Variants in REPS1 observed in about 807,000 individuals in gnomAD.
REPS1 encodes ralBP1-associated Eps domain-containing protein 1.
Under a neutral mutation model 100.9 loss-of-function variants are expected in REPS1, and 39 were observed. The ratio of observed to expected loss-of-function variants is 0.39; its 90% CI spans 0.30 to 0.50. REPS1 has a LOEUF of 0.50. Ranked by LOEUF, REPS1 falls within the 20% of genes least tolerant of loss-of-function variation. The pLI is 0.86. For missense variants in REPS1, 821 were observed against 968.5 expected, an observed-to-expected ratio of 0.85 and a Z score of 2.02; for synonymous variants, 324 against 340.3, an observed-to-expected ratio of 0.95 and a Z score of 0.53.
intron 1 of REPS1, among the ~76,000 whole-genome samples, chr6:138,949,530 C>T (rs1782859303): frequency 6.6e-6 from 1 of 151,988 alleles, no homozygotes; most frequent in Non-Finnish European, 1.5e-5. Context: ...AGTTCAAGAC[C>T]AGTCTGGCCA....
chr6:138,970,144 T>C (rs1050709330), intron 1 of REPS1, among the ~76,000 whole-genome samples: 9 of 152,068 alleles, frequency 5.9e-5, no homozygotes, highest in Non-Finnish European at 1.0e-4. Context: ...AGGAGGCCAC[T>C]ATAGTAGTTC....
At position 138,978,021 on chromosome 6, in the gene REPS1, T is replaced by C. The variant is rs144003721; in HGVS notation, c.153+9509A>G. Among the ~76,000 whole-genome samples the C allele has an allele frequency of 2.1e-3, 318 of 152,348 alleles. 1 individual carries two copies. The highest frequency in any genetic ancestry group is 7.0e-3 in the African/African-American group (293 of 41,588). On this transcript the variant is annotated intron_variant, in intron 1 of 19. Coordinates refer to ENST00000450536, the MANE Select transcript of REPS1 (RefSeq NM_001286611.2). ...GGGTTAACATCTTTTCATATGCTTA[T>C]TGGCCATTCTTATTGTTGTCTTTGG...
intron 2 of REPS1, 80 bp downstream of exon 2, chr6:138,947,710 G>A (rs1327265975): frequency 5.7e-6 from 7 of 1,238,318 alleles, no homozygotes; most frequent in South Asian, 2.0e-5. Flanking sequence ...AGATCAGAAA[G>A]ACACAAGAGT....
chr6:138,912,803 G>T lies in REPS1; in HGVS notation c.1933C>A (p.Gln645Lys). The T allele has an allele frequency of 1.2e-6, 2 of 1,614,166 alleles. No homozygotes were observed. The change falls in exon 16 of 20, where the codon CAA becomes AAA. Residue 645 changes from glutamine to lysine, a missense_variant. Coordinates refer to ENST00000450536, the MANE Select transcript of REPS1 (RefSeq NM_001286611.2). ...VFAASNVNDEQDDEAEKHPEV... is the reference protein window; with the variant it reads ...VFAASNVNDEKDDEAEKHPEV... ...GGATGTTTCTCGGCTTCATCATCTTGTTCGTCGTTTACATTTGATGCAGCA... is the reference window on the plus strand; with the variant it reads ...GGATGTTTCTCGGCTTCATCATCTTTTTCGTCGTTTACATTTGATGCAGCA...
At chr6:138,920,553 C>G (rs1184620173) in intron 11 of REPS1, among the ~76,000 whole-genome samples, 1 of 152,144 alleles carries the variant, frequency 6.6e-6, no homozygotes, top group Non-Finnish European at 1.5e-5. Flanking sequence ...CATGTTCACA[C>G]TTAATTTTAT....
intron 1 of REPS1, among the ~76,000 whole-genome samples, chr6:138,983,506 G>C (rs1459631394): frequency 6.6e-6 from 1 of 151,982 alleles, no homozygotes; most frequent in East Asian, 1.9e-4. Flanking sequence ...CACTTCACAA[G>C]GTTGTTGCAA....
intron 10 of REPS1, among the ~76,000 whole-genome samples, chr6:138,921,866 C>T (rs967604462): frequency 1.3e-5 from 2 of 151,888 alleles, no homozygotes; most frequent in Non-Finnish European, 2.9e-5. Flanking sequence ...TGAGCCACTG[C>T]GCCCGGCCAG....
chr6:138,936,693 T>C (rs755230701), intron 8 of REPS1, among the ~76,000 whole-genome samples: 6 of 148,486 alleles, frequency 4.0e-5, no homozygotes, highest in Non-Finnish European at 5.9e-5. Flanking sequence ...CGTATTTTCA[T>C]TATTTTTTCC....
chr6:138,950,185 C>T (rs1337667955), intron 1 of REPS1, among the ~76,000 whole-genome samples: 1 of 152,082 alleles, frequency 6.6e-6, no homozygotes, highest in Admixed American at 6.6e-5. Context: ...CAATAGTTAA[C>T]TATTGAGGCC....
intron 11 of REPS1, 106 bp from the exon 12 acceptor site, chr6:138,920,422 G>C: frequency 2.0e-6 from 1 of 497,156 alleles, no homozygotes; most frequent in Non-Finnish European, 3.6e-6. Context: ...AGAAGTGGCA[G>C]GTAAATCCAT....
intron 8 of REPS1, among the ~76,000 whole-genome samples, chr6:138,931,704 C>G (rs1029931134): frequency 6.6e-6 from 1 of 151,826 alleles, no homozygotes; most frequent in Non-Finnish European, 1.5e-5. Context: ...TAGAGAAGAA[C>G]TTATGAAAAA....
At chr6:138,970,275 T>G (rs1784267344) in intron 1 of REPS1, among the ~76,000 whole-genome samples, 1 of 149,070 alleles carries the variant, frequency 6.7e-6, no homozygotes, top group Non-Finnish European at 1.5e-5. Flanking sequence ...AAAAGAGGAG[T>G]CAAAGCTGAC....
intron 1 of REPS1, among the ~76,000 whole-genome samples, chr6:138,981,975 G>A (rs1582871325): frequency 6.6e-6 from 1 of 152,126 alleles, no homozygotes; most frequent in South Asian, 2.1e-4. Flanking sequence ...AATTTTAAAA[G>A]TAAATAAATA....
chr6:138,942,864 C>T (rs561826332), intron 7 of REPS1, among the ~76,000 whole-genome samples: 2 of 152,260 alleles, frequency 1.3e-5, no homozygotes, highest in Middle Eastern at 3.4e-3. Context: ...AAGCGAATCT[C>T]GTGCCTCAGC....
chr6:138,941,481 G>C lies in REPS1; in HGVS notation c.989C>G (p.Ser330Ter). The C allele has an allele frequency of 6.2e-7, 1 of 1,613,478 alleles. No individual in the cohort carries two copies. Among genetic ancestry groups the C allele is most frequent in the Non-Finnish European group, 8.5e-7 (1 of 1,179,542 alleles). Residue 330 changes from serine (S) to a stop codon, truncating the protein, a stop_gained, in exon 8 of 20, where the codon TCA becomes TGA. Transcript: ENST00000450536. LOFTEE classifies it high-confidence loss of function. ...CAATGCACCATCTTTATCAAAGTCTGAGAGTTCCCTAGAAGATAAGTTTAT... is the reference window on the plus strand; with the variant it reads ...CAATGCACCATCTTTATCAAAGTCTCAGAGTTCCCTAGAAGATAAGTTTAT... ...ILELSHIWEL[S>*]DFDKDGALTL...
At chr6:138,954,710 A>G (rs1783263289) in intron 1 of REPS1, among the ~76,000 whole-genome samples, 1 of 152,226 alleles carries the variant, frequency 6.6e-6, no homozygotes, top group South Asian at 2.1e-4. Flanking sequence ...AAATGAAAAT[A>G]AAAGGTGATT....
chr6:138,933,110 A>G (rs1781585605), intron 8 of REPS1, among the ~76,000 whole-genome samples: 1 of 152,268 alleles, frequency 6.6e-6, no homozygotes, highest in South Asian at 2.1e-4. Context: ...AAGTGGCTTC[A>G]GTTTCCACAC....
Position 138,947,842 on chromosome 6 carries a change from A to G in REPS1, c.225T>C (p.Leu75=). 1 of 1,611,516 alleles carries G rather than the reference A, an allele frequency of 6.2e-7. No individual in the cohort carries two copies. ...GGAAACCAGACTGGGCAACAGCTAC[A>G]AGTTTCAAAGCAATGTAGAACTGAC... ...GRSQFYIALK[L]VAVAQSGFPL... Residue 75 remains leucine, a synonymous_variant, in exon 2 of 20, where the codon CTT becomes CTC. Transcript: ENST00000450536.
intron 1 of REPS1, among the ~76,000 whole-genome samples, chr6:138,982,806 C>T (rs1483138367): frequency 1.3e-5 from 2 of 152,204 alleles, no homozygotes; most frequent in African/African-American, 2.4e-5. Context: ...TCAAAAGCAA[C>T]TGTAATGAAC....
Sources: gnomAD v4.1 joint callset for allele counts (sites outside exome capture counted in the v4.1 genomes callset) on GRCh38, gnomAD v4.1.1 for gene constraint, MANE v1.5 for transcripts, NCBI Gene and HGNC (gene_info 2026-07-23, HGNC 2026-07-21) for gene names.